AGAP3: variants seen among roughly 807,000 people sequenced by gnomAD.
AGAP3 encodes ArfGAP with GTPase domain, ankyrin repeat and PH domain 3, also known as arf-GAP with GTPase, ANK repeat and PH domain-containing protein 3.
In AGAP3, 24 loss-of-function variants were observed where a neutral mutation model predicts 96.9. That is an observed-to-expected ratio of 0.25 (90% CI 0.18 to 0.35). The LOEUF (loss-of-function observed/expected upper bound fraction) is 0.35, where lower values mean the gene tolerates loss of function less well. Ranked by LOEUF, AGAP3 falls within the 10% of genes least tolerant of loss-of-function variation. The pLI is 1.00. For missense variants in AGAP3, 876 were observed against 1,254.2 expected (o/e 0.70, Z 4.55); for synonymous variants, 563 against 536.1 (o/e 1.05, Z -0.69).
chr7:151,131,718 C>T (rs1337278909), intron 10 of AGAP3, among the ~76,000 whole-genome samples: 4 of 152,206 alleles, frequency 2.6e-5, no homozygotes, highest in Non-Finnish European at 5.9e-5. Context: ...GTTGGGCCGT[C>T]CTTTCCCCCG....
At position 151,118,275 on chromosome 7, in the gene AGAP3, C is replaced by G; in HGVS notation, c.772C>G (p.Leu258Val). Residue 258 changes from leucine (L) to valine (V), a missense_variant, in exon 6 of 18, where the codon CTG (leucine) becomes GTG (valine). By Grantham distance (32) the Leu-to-Val change is conservative. Around this residue, in one of 8 missense-constraint regions of AGAP3, gnomAD observed 131 missense variants for 304.5 expected, o/e 0.43. Transcript: ENST00000397238. This position sits in a 1 kb window ranked among gnomAD's most constrained non-coding sequence, Gnocchi z 6.1. ...DSRARKLSTD[L>V]KRCTYYETCA... is the part of the protein sequence containing the mutation. ...CAGAGCCCGCAAGCTCTCCACAGAT[C>G]TGAAGCGGTGCACCTACTATGAGAC... 6.2e-7 allele frequency: 1 copy of G among 1,613,868 alleles called. No individual in the cohort carries two copies. Among genetic ancestry groups the G allele is most frequent in the Non-Finnish European group, 8.5e-7 (1 of 1,179,732 alleles).
chr7:151,089,256 TGCGAA>T (rs1267571637), intron 1 of AGAP3, among the ~76,000 whole-genome samples: 2 of 152,248 alleles, frequency 1.3e-5, no homozygotes, highest in Admixed American at 6.5e-5. Context: ...GCTTCTGTCC[TGCGAA>T]GCGGTGTCCC....
At chr7:151,120,589 C>T (rs1799832990) in intron 8 of AGAP3, 1 of 1,284,624 alleles carries the variant, frequency 7.8e-7, no homozygotes, top group Admixed American at 2.3e-5. Flanking sequence ...CAGCTAGAGT[C>T]AGAGCCCAGG....
intron 4 of AGAP3, 27 bp downstream of exon 4, chr7:151,117,483 C>A: frequency 6.2e-7 from 1 of 1,613,790 alleles, no homozygotes; most frequent in South Asian, 1.1e-5. Flanking sequence ...GGGTTAGGGC[C>A]CACCGCTGTG....
At chr7:151,087,323 G>C (rs143884057) in intron 1 of AGAP3, 4 of 526,252 alleles carry the variant, frequency 7.6e-6, no homozygotes, top group Non-Finnish European at 1.4e-5. Flanking sequence ...GTGTCGCTTG[G>C]GGGGGCCGGG....
chr7:151,133,276 G>T lies in AGAP3; in HGVS notation c.1327-1124G>T, dbSNP rs183832805. On this transcript the variant is annotated intron_variant, in intron 10 of 17. Coordinates refer to ENST00000397238, the MANE Select transcript of AGAP3 (RefSeq NM_031946.7). The surrounding 1 kb of genome is among the most constrained non-coding windows in gnomAD (Gnocchi z 5.4). ...GCCGTGGAGCTCAGGGACAGTGACA[G>T]GGACAGGGAAGCAGGAGGCAACAGG... Among the ~76,000 whole-genome samples the T allele has an allele frequency of 1.3e-5, 2 of 152,346 alleles. No homozygotes were observed. The highest frequency in any genetic ancestry group is 3.9e-4 in the East Asian group (2 of 5,186).
At chr7:151,119,687 T>C (rs1212471671) in intron 7 of AGAP3, among the ~76,000 whole-genome samples, 1 of 152,194 alleles carries the variant, frequency 6.6e-6, no homozygotes, top group African/African-American at 2.4e-5. Flanking sequence ...CTGCAGCTGA[T>C]TCCCACCTAC....
chr7:151,128,496 C>T, intron 9 of AGAP3, 84 bp from the exon 10 acceptor site: 4 of 1,118,522 alleles, frequency 3.6e-6, no homozygotes, highest in Admixed American at 3.7e-5. Flanking sequence ...GGGGGGAGGG[C>T]ATTGCCTGAC....
intron 1 of AGAP3, among the ~76,000 whole-genome samples, chr7:151,089,011 G>C (rs182876423): frequency 6.6e-6 from 1 of 151,940 alleles, no homozygotes; most frequent in South Asian, 2.1e-4. Flanking sequence ...TCACACATCC[G>C]TTCTCAGCCC....
intron 12 of AGAP3, 129 bp downstream of exon 12, chr7:151,138,442 C>G: frequency 1.9e-6 from 2 of 1,049,556 alleles, no homozygotes; most frequent in Non-Finnish European, 2.7e-6. Flanking sequence ...TGGGGCCCAG[C>G]TGGGCCCTCC....
intron 1 of AGAP3, among the ~76,000 whole-genome samples, chr7:151,103,910 C>T (rs542021977): frequency 1.6e-3 from 238 of 152,338 alleles, no homozygotes; most frequent in Middle Eastern, 6.8e-3. Flanking sequence ...TGTCTTGTTC[C>T]TTTCTCCCTT....
Position 151,108,113 on chromosome 7 carries a change from T to A in AGAP3, c.332-8680T>A, listed in dbSNP as rs1339175111. ...GTTGCTGGTCAGAGCTGGAGTGGCG[T>A]CACGGGCACTTCCAGGGTCTTAGAA... On this transcript the variant is annotated intron_variant, in intron 1 of 17. Coordinates refer to ENST00000397238, the MANE Select transcript of AGAP3 (RefSeq NM_031946.7). This position sits in a 1 kb window ranked among gnomAD's most constrained non-coding sequence, Gnocchi z 4.2. Among the ~76,000 whole-genome samples, 10 of 152,182 alleles carry A rather than the reference T, an allele frequency of 6.6e-5. No homozygotes were observed. The highest frequency in any genetic ancestry group is 2.4e-4 in the African/African-American group (10 of 41,432).
Position 151,143,533 on chromosome 7 carries a change from G to T in AGAP3, c.2466G>T (p.Gly822=). Residue 822 remains glycine, a synonymous_variant, in exon 17 of 18, where the codon GGG becomes GGT. Transcript: ENST00000397238. This position sits in a 1 kb window ranked among gnomAD's most constrained non-coding sequence, Gnocchi z 5.9. The stretch of plus-strand genomic sequence containing the variant: ...ATGAGACCTATGGGGACGGGGACGG[G>T]CGGACGGCTCTACATCTCTCCAGTG... ...EVNETYGDGD[G]RTALHLSSAM... is the part of the protein sequence containing the mutation. 1 of 1,614,048 alleles carries T rather than the reference G, an allele frequency of 6.2e-7. No homozygotes were observed. Among genetic ancestry groups the T allele is most frequent in the Non-Finnish European group, 8.5e-7 (1 of 1,179,944 alleles).
chr7:151,143,558 G>A lies in AGAP3; in HGVS notation c.2491G>A (p.Ala831Thr). 6.2e-7 allele frequency: 1 copy of A among 1,611,124 alleles called. No homozygotes were observed. The highest frequency in any genetic ancestry group is 8.5e-7 in the Non-Finnish European group (1 of 1,177,918). ...DGRTALHLSS[A>T]MANVVFTQLL... ...GCGGACGGCTCTACATCTCTCCAGT[G>A]CCATGGCCAACGTTGTCTTCACGCA... The change falls in exon 17 of 18, where the codon GCC (alanine) becomes ACC (threonine). Residue 831 changes from alanine to threonine, a missense_variant. Coordinates refer to ENST00000397238, the MANE Select transcript of AGAP3 (RefSeq NM_031946.7). The surrounding 1 kb of genome is among the most constrained non-coding windows in gnomAD (Gnocchi z 5.9).
intron 12 of AGAP3, among the ~76,000 whole-genome samples, chr7:151,138,760 C>T (rs1199913153): frequency 6.6e-6 from 1 of 152,176 alleles, no homozygotes; most frequent in Non-Finnish European, 1.5e-5. Flanking sequence ...GCTGGGCGCT[C>T]TAAGCCATGT....
chr7:151,119,851 C>G (rs1799785340), intron 7 of AGAP3, 136 bp from the exon 8 acceptor site: 5 of 732,382 alleles, frequency 6.8e-6, no homozygotes, highest in Middle Eastern at 3.4e-4. Flanking sequence ...CCCATATCAT[C>G]TGTAGGGGCT....
chr7:151,118,560 C>T lies in AGAP3; in HGVS notation c.897C>T (p.Cys299=). 6.2e-7 allele frequency: 1 copy of T among 1,614,160 alleles called. No individual in the cohort carries two copies. Among genetic ancestry groups the T allele is most frequent in the Non-Finnish European group, 8.5e-7 (1 of 1,180,042 alleles). The change falls in exon 7 of 18, where the codon TGC becomes TGT. Residue 299 remains cysteine, a synonymous_variant. Transcript: ENST00000397238. This position sits in a 1 kb window ranked among gnomAD's most constrained non-coding sequence, Gnocchi z 6.1. ...AGCAGCAACTGGCCATCGGGCCCTG[C>T]AAGTCACTGCCCAACTCGCCCAGCC... ...RKKQQLAIGP[C]KSLPNSPSHS...
Position 151,138,270 on chromosome 7 carries a change from G to T in AGAP3, c.1623G>T (p.Trp541Cys). 6.2e-7 allele frequency: 1 copy of T among 1,612,858 alleles called. No homozygotes were observed. Among genetic ancestry groups the T allele is most frequent in the South Asian group, 1.1e-5 (1 of 91,040 alleles). ...GCTCCGTTTCCAGCGCCGACCAGTG[G>T]AGTGAGGCCACCACTTCCCTGCCCC... ...RSCSVSSADQ[W>C]SEATTSLPPG... The change falls in exon 12 of 18, where the codon TGG (tryptophan) becomes TGT (cysteine). Residue 541 changes from tryptophan to cysteine, a missense_variant. By Grantham distance (215) the Trp-to-Cys change is radical. This residue lies in a region of AGAP3 where 155 missense variants were observed against 144.4 expected (regional missense o/e 1.07). Coordinates refer to ENST00000397238, the MANE Select transcript of AGAP3 (RefSeq NM_031946.7).
At chr7:151,119,094 C>T (rs547922984) in intron 7 of AGAP3, 4 of 192,052 alleles carry the variant, frequency 2.1e-5, no homozygotes, top group Non-Finnish European at 4.4e-5. Flanking sequence ...GCAGCGTTCC[C>T]ATGTGGGAAA....
Sources: gnomAD v4.1 joint callset for allele counts (sites outside exome capture counted in the v4.1 genomes callset) on GRCh38, gnomAD v4.1.1 for gene constraint, gnomAD v4.1.1 regional missense constraint, Gnocchi (gnomAD v3.1) non-coding constraint, MANE v1.5 for transcripts, NCBI Gene and HGNC (gene_info 2026-07-23, HGNC 2026-07-21) for gene names.